The following RASGEF1C variants were observed in gnomAD, a reference collection of about 807,000 sequenced individuals.
RASGEF1C encodes the protein ras-GEF domain-containing family member 1C.
In RASGEF1C, 27 loss-of-function variants were observed where a neutral mutation model predicts 58.1. The ratio of observed to expected loss-of-function variants is 0.46; its 90% confidence interval spans 0.34 to 0.64. The LOEUF (loss-of-function observed/expected upper bound fraction) is 0.64, where lower values mean the gene tolerates loss of function less well. Among genes scored for constraint, RASGEF1C ranks in the 30% least tolerant of loss-of-function variants. The pLI is 0.01. For missense variants in RASGEF1C, 502 were observed against 605.1 expected (o/e 0.83, Z 1.79); for synonymous variants, 243 against 246.3 (o/e 0.99, Z 0.13).
intron 1 of RASGEF1C, among the ~76,000 whole-genome samples, chr5:180,164,616 ATCTT>A (rs995516135): frequency 6.6e-6 from 1 of 152,192 alleles, no homozygotes; most frequent in Non-Finnish European, 1.5e-5. Flanking sequence ...TTGTGGTTCT[ATCTT>A]TGATTTCTAA....
chr5:180,112,135 C>T (rs1183782101), intron 11 of RASGEF1C, among the ~76,000 whole-genome samples: 1 of 152,256 alleles, frequency 6.6e-6, no homozygotes, highest in African/African-American at 2.4e-5. Flanking sequence ...AGGATCAATT[C>T]AGGAAGGGCT....
At chr5:180,135,500 A>C (rs919051963) in intron 4 of RASGEF1C, among the ~76,000 whole-genome samples, 1 of 152,138 alleles carries the variant, frequency 6.6e-6, no homozygotes, top group African/African-American at 2.4e-5. Context: ...CTTCCAGGTA[A>C]TGCTACACCA....
chr5:180,136,409 T>G lies in RASGEF1C; in HGVS notation c.407A>C (p.Asp136Ala), dbSNP rs1292047543. 3 of 1,559,810 alleles carry G rather than the reference T, an allele frequency of 1.9e-6. No individual in the cohort carries two copies. The highest frequency in any genetic ancestry group is 2.6e-6 in the Non-Finnish European group (3 of 1,151,978). The change falls in exon 4 of 14, where the codon GAC (aspartate) becomes GCC (alanine). Residue 136 changes from aspartate (D) to alanine (A), a missense_variant. By Grantham distance (126) the Asp-to-Ala change is moderately radical. Transcript: ENST00000361132. ...QEESTIGHLK[D>A]VVGRIAPCDE... ...ACAGGGGGCGATGCGGCCCACGACG[T>G]CCTTAAGGTGCCCGATAGTCGACTC...
chr5:180,162,985 G>A (rs1162167749), intron 1 of RASGEF1C, among the ~76,000 whole-genome samples: 3 of 152,114 alleles, frequency 2.0e-5, no homozygotes, highest in Non-Finnish European at 4.4e-5. Flanking sequence ...TTGGGGGGCT[G>A]GGAGTAGCTA....
At chr5:180,110,868 T>C (rs1765949132) in intron 12 of RASGEF1C, among the ~76,000 whole-genome samples, 1 of 151,940 alleles carries the variant, frequency 6.6e-6, no homozygotes, top group Non-Finnish European at 1.5e-5. Context: ...CAGGATGGAG[T>C]GCAGTGGTGC....
intron 1 of RASGEF1C, among the ~76,000 whole-genome samples, chr5:180,152,447 G>A (rs546212485): frequency 6.6e-6 from 1 of 151,562 alleles, no homozygotes; most frequent in Admixed American, 6.6e-5. Flanking sequence ...ATCATTCTCA[G>A]CAAACTATCG....
intron 12 of RASGEF1C, among the ~76,000 whole-genome samples, chr5:180,106,568 C>T (rs1043156276): frequency 6.6e-6 from 1 of 152,156 alleles, no homozygotes; most frequent in Admixed American, 6.5e-5. Context: ...CTAAATGTTT[C>T]AAGAGTTTTC....
At chr5:180,179,056 C>A (rs975232319) in intron 1 of RASGEF1C, among the ~76,000 whole-genome samples, 2 of 152,062 alleles carry the variant, frequency 1.3e-5, no homozygotes, top group African/African-American at 4.8e-5. Context: ...AGTCCTGCAG[C>A]GTCTCTGCCT....
Position 180,137,467 on chromosome 5 carries a change from C to T in RASGEF1C, c.300+123G>A. ...TGGGCCTCAGACAAGGTGGAAACAC[C>T]CGGTAGCCACCTTGTCAGGAAAACG... On this transcript the variant is annotated intron_variant, in intron 3 of 13. Coordinates refer to ENST00000361132, the MANE Select transcript of RASGEF1C (RefSeq NM_175062.4). The surrounding 1 kb of genome is among the most constrained non-coding windows in gnomAD (Gnocchi z 4.1). 5 of 1,367,620 alleles carry T rather than the reference C, an allele frequency of 3.7e-6. No homozygotes were observed. The highest frequency in any genetic ancestry group is 5.0e-6 in the Non-Finnish European group (5 of 997,790). The allele number at this position is 1,367,620 out of a possible 1,614,324, so 84.7% of individuals were successfully genotyped here. A position where few individuals can be genotyped will look rare whatever the true frequency, so the allele number is the denominator to read the frequency against.
chr5:180,193,269 A>G lies in RASGEF1C; in HGVS notation c.-7+15759T>C, dbSNP rs369801681. ...ACGGGGTTTCACTGTGTTAGCCAGG[A>G]TGGTCTCGATCTCCTGACCTCGTGA... On this transcript the variant is annotated intron_variant, in intron 1 of 13. Transcript: ENST00000361132. 4.3e-5 allele frequency among the ~76,000 whole-genome samples: 6 copies of G among 140,922 alleles called. No individual in the cohort carries two copies. The East Asian group carries it at 1.4e-3, about 32-fold the overall frequency. The allele number at this position is 140,922 out of a possible 152,430, so 92.5% of individuals were successfully genotyped here.
At chr5:180,199,800 G>A (rs1396559875) in intron 1 of RASGEF1C, among the ~76,000 whole-genome samples, 3 of 151,890 alleles carry the variant, frequency 2.0e-5, no homozygotes, top group Admixed American at 6.6e-5. Flanking sequence ...AAAGCGCTGG[G>A]ACTACAGGTA....
intron 12 of RASGEF1C, 109 bp downstream of exon 12, chr5:180,111,348 G>T: frequency 6.9e-7 from 1 of 1,450,734 alleles, no homozygotes; most frequent in African/African-American, 1.4e-5. Flanking sequence ...AGCCCAGGTG[G>T]GCAGGGTGCA....
intron 4 of RASGEF1C, among the ~76,000 whole-genome samples, chr5:180,135,670 T>A (rs1200407162): frequency 6.6e-6 from 1 of 152,094 alleles, no homozygotes; most frequent in East Asian, 1.9e-4. Flanking sequence ...CTCCTCAGAG[T>A]AACACAGCTG....
At chr5:180,179,746 G>A (rs779081336) in intron 1 of RASGEF1C, among the ~76,000 whole-genome samples, 4 of 152,222 alleles carry the variant, frequency 2.6e-5, no homozygotes, top group African/African-American at 9.6e-5. Flanking sequence ...AAGGAGAGAA[G>A]CCAAACAATG....
intron 6 of RASGEF1C, 137 bp from the exon 7 acceptor site, chr5:180,121,286 G>T: frequency 1.6e-6 from 1 of 636,540 alleles, no homozygotes; most frequent in Non-Finnish European, 2.9e-6. Flanking sequence ...CCAAAGATTT[G>T]GTATGTACGC....
intron 6 of RASGEF1C, among the ~76,000 whole-genome samples, chr5:180,126,460 C>T (rs1766264238): frequency 6.6e-6 from 1 of 152,126 alleles, no homozygotes; most frequent in African/African-American, 2.4e-5. Context: ...CACAGTTGTT[C>T]CGAATTCCCA....
rs1247161161 is a variant in RASGEF1C at position 180,137,641 on chromosome 5, G to A, written c.249C>T (p.Val83=). Reference sequence around the variant, plus strand: ...GCTGCTGCTCGATGCACAGGTGGCAGACCCGGGCCAGGAGCTCCCGGGGCT... The same window carrying A: ...GCTGCTGCTCGATGCACAGGTGGCAAACCCGGGCCAGGAGCTCCCGGGGCT... ...FIEPRELLAR[V]CHLCIEQQQL... The change falls in exon 3 of 14, where the codon GTC becomes GTT. Residue 83 remains valine, a synonymous_variant. Transcript: ENST00000361132. This position sits in a 1 kb window ranked among gnomAD's most constrained non-coding sequence, Gnocchi z 4.1. The A allele has an allele frequency of 3.7e-6, 6 of 1,612,526 alleles. No homozygotes were observed. In the Admixed American group the frequency reaches 1.0e-4, roughly 27 times the overall value.
rs777890562 is a variant in RASGEF1C at position 180,127,594 on chromosome 5, G to C, written c.714+15C>G. The C allele has an allele frequency of 2.4e-5, 39 of 1,605,588 alleles. No individual in the cohort carries two copies. The highest frequency in any genetic ancestry group is 3.1e-5 in the Non-Finnish European group (36 of 1,176,466). On this transcript the variant is annotated intron_variant, in intron 6 of 13. Transcript: ENST00000361132. ...GTGAGGCTCACTTTTGGGACAGCCC[G>C]TAAGAGCCTCCTACCTTTGTGCTGG... is the stretch of plus-strand genomic sequence containing the variant.
At chr5:180,200,325 T>TTTTTG in intron 1 of RASGEF1C, among the ~76,000 whole-genome samples, 1 of 128,384 alleles carries the variant, frequency 7.8e-6, no homozygotes, top group African/African-American at 2.8e-5. Context: ...TTTTTTTTTT[T>TTTTTG]TTGAGATAGA....
Sources: allele counts gnomAD v4.1 joint callset (sites outside exome capture counted in the v4.1 genomes callset), GRCh38; gene constraint gnomAD v4.1.1; non-coding constraint Gnocchi (gnomAD v3.1); transcripts MANE v1.5; gene names NCBI Gene and HGNC (gene_info 2026-07-23, HGNC 2026-07-21).